CAMTA1: variants seen among roughly 807,000 people sequenced by gnomAD.
CAMTA1 encodes calmodulin binding transcription activator 1, also known as calmodulin-binding transcription activator 1.
A neutral mutation model predicts 170.9 loss-of-function variants in CAMTA1; 27 were observed. The ratio of observed to expected loss-of-function variants is 0.16; its 90% CI spans 0.12 to 0.22. The LOEUF (loss-of-function observed/expected upper bound fraction) is 0.22, where lower values mean the gene tolerates loss of function less well. CAMTA1 is among the 10% of genes least tolerant of loss of function. The pLI, the probability that CAMTA1 is intolerant of heterozygous loss-of-function variation, is 1.00. For synonymous variants in CAMTA1, 833 were observed against 891.5 expected, an observed-to-expected ratio of 0.93 and a Z score of 1.17; for missense variants, 1,619 against 2,217.2, an observed-to-expected ratio of 0.73 and a Z score of 5.42.
chr1:7,709,576 C>T (rs1340725885), intron 11 of CAMTA1, among the ~76,000 whole-genome samples: 3 of 152,186 alleles, frequency 2.0e-5, no homozygotes, highest in African/African-American at 7.2e-5. Flanking sequence ...CCCTAAAAAT[C>T]CTGGACACTG....
intron 3 of CAMTA1, among the ~76,000 whole-genome samples, chr1:6,907,713 C>T (rs770224488): frequency 6.6e-6 from 1 of 152,162 alleles, no homozygotes; most frequent in East Asian, 1.9e-4. Context: ...CACCCCTGGC[C>T]TGGGAGGAGT....
chr1:7,750,147 G>A (rs1436821157), intron 19 of CAMTA1, among the ~76,000 whole-genome samples: 1 of 152,214 alleles, frequency 6.6e-6, no homozygotes, highest in Non-Finnish European at 1.5e-5. Flanking sequence ...AACCACAGGG[G>A]CTCTGTAGTC....
chr1:7,031,351 A>T (rs2101092721), intron 3 of CAMTA1, among the ~76,000 whole-genome samples: 1 of 152,288 alleles, frequency 6.6e-6, no homozygotes, highest in South Asian at 2.1e-4. Context: ...TATCTGTAGT[A>T]GTATTTTTTG....
chr1:7,425,246 C>T (rs11120921), intron 5 of CAMTA1, among the ~76,000 whole-genome samples: 25,906 of 152,192 alleles, frequency 0.17, 2,701 homozygotes, highest in African/African-American at 0.28. Context: ...AGAAGGTGCA[C>T]TGCCCAAAGC....
chr1:7,612,166 C>T (rs891177725), intron 6 of CAMTA1, among the ~76,000 whole-genome samples: 3 of 152,152 alleles, frequency 2.0e-5, no homozygotes, highest in African/African-American at 2.4e-5. Context: ...GCTTCTTGTC[C>T]GGTATCCCAG....
intron 5 of CAMTA1, among the ~76,000 whole-genome samples, chr1:7,451,644 G>A (rs1575406493): frequency 6.6e-6 from 1 of 152,192 alleles, no homozygotes; most frequent in East Asian, 1.9e-4. Flanking sequence ...TGGACAGGGA[G>A]GCCTCCCTTC....
At chr1:7,415,238 G>A (rs2149281008) in intron 5 of CAMTA1, among the ~76,000 whole-genome samples, 1 of 152,032 alleles carries the variant, frequency 6.6e-6, no homozygotes, top group African/African-American at 2.4e-5. Context: ...ATATTCTGTT[G>A]ATTTGGGGTG....
At chr1:7,171,483 A>G (rs1425175449) in intron 4 of CAMTA1, among the ~76,000 whole-genome samples, 1 of 152,212 alleles carries the variant, frequency 6.6e-6, no homozygotes, top group African/African-American at 2.4e-5. Flanking sequence ...TCTCAGGGCC[A>G]ACACAGACCA....
chr1:7,352,337 G>A (rs1032233862), intron 5 of CAMTA1, among the ~76,000 whole-genome samples: 27 of 152,326 alleles, frequency 1.8e-4, no homozygotes, highest in African/African-American at 6.0e-4. Flanking sequence ...TGACAAAAAT[G>A]CATCTGAGTG....
chr1:7,421,376 A>G (rs1033855538), intron 5 of CAMTA1, among the ~76,000 whole-genome samples: 1 of 150,302 alleles, frequency 6.7e-6, no homozygotes, highest in African/African-American at 2.4e-5. Flanking sequence ...ATGGTCTTGA[A>G]CTCCTGACCT....
chr1:7,709,927 G>C (rs544899809), intron 11 of CAMTA1, among the ~76,000 whole-genome samples: 1 of 152,162 alleles, frequency 6.6e-6, no homozygotes, highest in Non-Finnish European at 1.5e-5. Flanking sequence ...GTGTGTGCTG[G>C]CTTCTATTTC....
chr1:6,979,722 A>C (rs1015843353), intron 3 of CAMTA1, among the ~76,000 whole-genome samples: 1 of 152,160 alleles, frequency 6.6e-6, no homozygotes, highest in Non-Finnish European at 1.5e-5. Context: ...AAAATCATGA[A>C]GCTGAGCTGG....
At chr1:7,556,637 C>T (rs1218069595) in intron 6 of CAMTA1, among the ~76,000 whole-genome samples, 1 of 152,320 alleles carries the variant, frequency 6.6e-6, no homozygotes, top group East Asian at 1.9e-4. Context: ...TTGTGCCCCA[C>T]CCCACGCTCC....
At chr1:7,571,752 G>T (rs957588357) in intron 6 of CAMTA1, among the ~76,000 whole-genome samples, 44 of 152,136 alleles carry the variant, frequency 2.9e-4, no homozygotes, top group African/African-American at 1.1e-3. Context: ...TGGACATTTA[G>T]ATTGATTCTA....
chr1:7,434,696 G>A (rs1455270943), intron 5 of CAMTA1, among the ~76,000 whole-genome samples: 1 of 152,088 alleles, frequency 6.6e-6, no homozygotes, highest in Admixed American at 6.6e-5. Flanking sequence ...CAAGGTGCCA[G>A]CATCTTACCT....
At chr1:7,757,643 G>A (rs760768869) in intron 22 of CAMTA1, among the ~76,000 whole-genome samples, 1 of 152,016 alleles carries the variant, frequency 6.6e-6, no homozygotes, top group Non-Finnish European at 1.5e-5. Context: ...GGCGTGTGCA[G>A]GAGAATCTGT....
chr1:6,937,803 A>G (rs1187750057), intron 3 of CAMTA1, among the ~76,000 whole-genome samples: 1 of 150,226 alleles, frequency 6.7e-6, no homozygotes, highest in Non-Finnish European at 1.5e-5. Flanking sequence ...CACCATCACC[A>G]TCATCACTGT....
chr1:6,800,265 GA>G (rs1412811569), intron 1 of CAMTA1, among the ~76,000 whole-genome samples: 1 of 152,024 alleles, frequency 6.6e-6, no homozygotes, highest in Non-Finnish European at 1.5e-5. Context: ...AAATTAGCCA[GA>G]TGTGTTGGTG....
intron 4 of CAMTA1, among the ~76,000 whole-genome samples, chr1:7,130,679 A>G (rs1296651767): frequency 1.3e-5 from 2 of 152,070 alleles, no homozygotes; most frequent in African/African-American, 2.4e-5. Context: ...GTATGTGTGG[A>G]CGCATCTCTA....
Sources: allele counts gnomAD v4.1 joint callset (sites outside exome capture counted in the v4.1 genomes callset), GRCh38; gene constraint gnomAD v4.1.1; transcripts MANE v1.5; gene names NCBI Gene and HGNC (gene_info 2026-07-23, HGNC 2026-07-21).